Variants in PISD observed in about 807,000 individuals in gnomAD.
The protein encoded by PISD is phosphatidylserine decarboxylase proenzyme, mitochondrial.
In PISD, 31 loss-of-function variants were observed where a neutral mutation model predicts 43.5. That is an observed-to-expected ratio of 0.71 (90% CI 0.54 to 0.96). The LOEUF (loss-of-function observed/expected upper bound fraction) is 0.96. Among genes scored for constraint, PISD ranks in the 40% least tolerant of loss-of-function variants. The pLI is 0.00. For synonymous variants in PISD, 259 were observed against 228.7 expected, an observed-to-expected ratio of 1.13 and a Z score of -1.20; for missense variants, 523 against 548.4, an observed-to-expected ratio of 0.95 and a Z score of 0.46.
intron 3 of PISD, among the ~76,000 whole-genome samples, chr22:31,645,568 G>A (rs997708378): frequency 6.8e-6 from 1 of 146,312 alleles, no homozygotes; most frequent in African/African-American, 2.5e-5. Context: ...AGTAGAGGCG[G>A]GGTTTCACCA....
At chr22:31,648,008 A>T in intron 3 of PISD, 93 bp downstream of exon 3, 1 of 1,103,600 alleles carries the variant, frequency 9.1e-7, no homozygotes, top group Non-Finnish European at 1.3e-6. Context: ...AGCATATTTG[A>T]CTTGTTCAAA....
At chr22:31,620,805 G>A in intron 6 of PISD, 92 bp from the exon 7 acceptor site, 1 of 1,507,232 alleles carries the variant, frequency 6.6e-7, no homozygotes, top group South Asian at 1.2e-5. Flanking sequence ...ATGGCCTGTT[G>A]CCCCGATGTC....
intron 3 of PISD, among the ~76,000 whole-genome samples, chr22:31,627,805 G>A (rs556092150): frequency 7.9e-5 from 12 of 152,236 alleles, no homozygotes; most frequent in African/African-American, 2.7e-4. Context: ...GGTTCTCAAA[G>A]CAGGTTCCCC....
rs758522926 is a variant in PISD at position 31,623,696 on chromosome 22, C to T, written c.322-1811G>A. 9.3e-6 allele frequency: 15 copies of T among 1,613,444 alleles called. No individual in the cohort carries two copies. In the African/African-American group the frequency reaches 1.5e-4, roughly 16 times the overall value. ...TGTGCACACTTACCCTGCTTACGGG[C>T]CTCCATCCCACCCGGCTGAGCGGTC... On this transcript the variant is annotated intron_variant, in intron 3 of 7. Coordinates refer to ENST00000439502, the MANE Select transcript of PISD (RefSeq NM_001326411.2).
At chr22:31,645,811 T>C (rs1199911469) in intron 3 of PISD, among the ~76,000 whole-genome samples, 3 of 147,396 alleles carry the variant, frequency 2.0e-5, no homozygotes, top group Admixed American at 1.4e-4. Flanking sequence ...GAGCCAAGAT[T>C]GCGCCATTGC....
In PISD at chr22:31,638,354, T is replaced by C. The variant is rs1057212222; in HGVS notation, c.321+9747A>G. ...CCCCTGCTGTCAAGCCCCTGCCCCA[T>C]GGGAAACTCACCTCCACTTGACCTA... On this transcript the variant is annotated intron_variant, in intron 3 of 7. Coordinates refer to ENST00000439502, the MANE Select transcript of PISD (RefSeq NM_001326411.2). 10 of 984,812 alleles carry C rather than the reference T, an allele frequency of 1.0e-5. No homozygotes were observed. The East Asian group carries it at 3.4e-4, about 33-fold the overall frequency. 61.0% of individuals were successfully genotyped at this position (984,812 alleles called of 1,614,324 possible). A position where few individuals can be genotyped will look rare whatever the true frequency, so the allele number is the denominator to read the frequency against.
chr22:31,634,160 G>A (rs569652100), intron 3 of PISD, among the ~76,000 whole-genome samples: 5 of 152,322 alleles, frequency 3.3e-5, no homozygotes, highest in African/African-American at 9.6e-5. Flanking sequence ...AGGTAGCTGC[G>A]GAACAGGGGT....
chr22:31,659,738 C>CA (rs919059080), intron 1 of PISD, among the ~76,000 whole-genome samples: 1 of 152,088 alleles, frequency 6.6e-6, no homozygotes, highest in African/African-American at 2.4e-5. Flanking sequence ...ACTACAGACA[C>CA]ACGCCACCAC....
At chr22:31,656,677 T>TAAACAAAC (rs1332039965) in intron 1 of PISD, among the ~76,000 whole-genome samples, 48 of 148,384 alleles carry the variant, frequency 3.2e-4, no homozygotes, top group African/African-American at 1.1e-3. Flanking sequence ...AATAAATAAA[T>TAAACAAAC]AAATAAACAA....
chr22:31,636,920 C>G (rs1344585778), intron 3 of PISD, among the ~76,000 whole-genome samples: 3 of 151,564 alleles, frequency 2.0e-5, no homozygotes, highest in Admixed American at 6.6e-5. Flanking sequence ...TCGTGATCCA[C>G]CCATCTCGGT....
intron 1 of PISD, among the ~76,000 whole-genome samples, chr22:31,660,371 G>A (rs764160769): frequency 6.6e-6 from 1 of 152,030 alleles, no homozygotes; most frequent in African/African-American, 2.4e-5. Context: ...AATTATTTTA[G>A]GTGGACTGCG....
chr22:31,656,931 C>T (rs1819289168), intron 1 of PISD, among the ~76,000 whole-genome samples: 1 of 151,986 alleles, frequency 6.6e-6, no homozygotes, highest in African/African-American at 2.4e-5. Context: ...CACTGTATGC[C>T]CAAGAGTTGG....
intron 3 of PISD, among the ~76,000 whole-genome samples, chr22:31,643,572 C>G (rs5749315): frequency 6.6e-6 from 1 of 152,136 alleles, no homozygotes; most frequent in African/African-American, 2.4e-5. Flanking sequence ...ACTCTCCAGC[C>G]TTAGCACAGC....
At chr22:31,621,274 C>T (rs2072551713) in intron 5 of PISD, 60 bp downstream of exon 5, 2 of 1,611,292 alleles carry the variant, frequency 1.2e-6, no homozygotes, top group East Asian at 4.5e-5. Flanking sequence ...GCATTCCCCT[C>T]CCTCCCGGTC....
intron 3 of PISD, among the ~76,000 whole-genome samples, chr22:31,637,158 AAAAAAAATATATATAT>A (rs1321365915): frequency 4.9e-3 from 165 of 34,006 alleles, no homozygotes; most frequent in South Asian, 6.1e-3. Context: ...AAAAAAAAAA[AAAAAAAATATATATAT>A]ATATATATAT....
In PISD at chr22:31,619,567, CTGTT is replaced by C. The variant is rs1295707403; in HGVS notation, c.*41_*44del. 3 of 1,528,034 alleles carry C rather than the reference CTGTT, an allele frequency of 2.0e-6. No homozygotes were observed. Among genetic ancestry groups the C allele is most frequent in the African/African-American group, 1.4e-5 (1 of 73,258 alleles). 94.7% of individuals were successfully genotyped at this position (1,528,034 alleles called of 1,614,324 possible). A position where few individuals can be genotyped will look rare whatever the true frequency, so the allele number is the denominator to read the frequency against. ...CCTCCCTCTTGAAAAGACCCTCACT[CTGTT>C]TGGAAAAGATCCCTTAGCAGCCATA... On this transcript the variant is annotated 3_prime_UTR_variant, in exon 8 of 8. Transcript: ENST00000439502.
intron 2 of PISD, 117 bp downstream of exon 2, chr22:31,650,582 G>C: frequency 1.7e-6 from 1 of 573,252 alleles, no homozygotes. Context: ...CTGCATGCCA[G>C]GTACTTTCCA....
Position 31,621,717 on chromosome 22 carries a change from T to C in PISD, c.490A>G (p.Asn164Asp), listed in dbSNP as rs763094454. 6.2e-7 allele frequency: 1 copy of C among 1,614,124 alleles called. No individual in the cohort carries two copies. The highest frequency in any genetic ancestry group is 8.5e-7 in the Non-Finnish European group (1 of 1,180,046). Residue 164 changes from asparagine to aspartate, a missense_variant, in exon 4 of 8, where the codon AAC becomes GAC. Transcript: ENST00000439502. The stretch of plus-strand genomic sequence containing the variant: ...TTGCGCCGGAAGAACTCGCTGAGGT[T>C]GCGGTAGTGATGCAGGTCCTCCACA... ...AAVEDLHHYR[N>D]LSEFFRRKLK...
chr22:31,622,548 C>T (rs147210747), intron 3 of PISD, among the ~76,000 whole-genome samples: 26 of 152,356 alleles, frequency 1.7e-4, no homozygotes, highest in African/African-American at 5.3e-4. Flanking sequence ...CCCAGCCCTG[C>T]TGAGCCCCAC....
Sources: allele counts gnomAD v4.1 joint callset (sites outside exome capture counted in the v4.1 genomes callset), GRCh38; gene constraint gnomAD v4.1.1; transcripts MANE v1.5; gene names NCBI Gene and HGNC (gene_info 2026-07-23, HGNC 2026-07-21).